Variants in DEGS2 observed in about 807,000 individuals in gnomAD.
DEGS2 encodes the protein delta 4-desaturase, sphingolipid 2, also known as sphingolipid delta(4)-desaturase/C4-monooxygenase DES2.
A neutral mutation model predicts 23.8 loss-of-function variants in DEGS2; 19 were observed. That is an observed-to-expected ratio of 0.80 (90% CI 0.56 to 1.17). The LOEUF is 1.17. Ranked by LOEUF, DEGS2 falls within the 50% of genes most tolerant of loss-of-function variation. The probability of loss-of-function intolerance (pLI) is 0.00; values close to 1 mark genes in which losing one functional copy is unlikely to be tolerated. For missense variants in DEGS2, 390 were observed against 459.5 expected, an observed-to-expected ratio of 0.85 and a Z score of 1.38; for synonymous variants, 218 against 213.7, an observed-to-expected ratio of 1.02 and a Z score of -0.18.
At chr14:100,166,304 GC>G in the DEGS2 span, among the ~76,000 whole-genome samples, 2 of 55,406 alleles carry the variant, frequency 3.6e-5, no homozygotes, top group African/African-American at 1.0e-4. Context: ...CCTGCCCGGG[GC>G]TGTGGGGGAG....
At chr14:100,152,941 A>AAGGAAGAT (rs947630140) in intron 1 of DEGS2, among the ~76,000 whole-genome samples, 4 of 152,128 alleles carry the variant, frequency 2.6e-5, no homozygotes, top group African/African-American at 9.7e-5. Context: ...AAAGGGAAGG[A>AAGGAAGAT]AGGAAGATAG....
Position 100,146,586 on chromosome 14 carries a change from G to T in DEGS2, c.*175C>A. On this transcript the variant is annotated 3_prime_UTR_variant, in exon 3 of 3. Transcript: ENST00000305631. ...CTCAAGGTCCAGGGCAAGTCCACGT[G>T]CAGACGGAGCCCTGCAGCCCACACT... The T allele has an allele frequency of 2.2e-6, 2 of 898,176 alleles. No individual in the cohort carries two copies. Among genetic ancestry groups the T allele is most frequent in the Non-Finnish European group, 3.3e-6 (2 of 599,694 alleles). The allele number at this position is 898,176 out of a possible 1,614,324, so 55.6% of individuals were successfully genotyped here. A position where few individuals can be genotyped will look rare whatever the true frequency, so the allele number is the denominator to read the frequency against.
chr14:100,163,525 A>G (rs1218224548), upstream of DEGS2, among the ~76,000 whole-genome samples: 1 of 152,222 alleles, frequency 6.6e-6, no homozygotes, highest in Non-Finnish European at 1.5e-5. Flanking sequence ...ACATGAGGAC[A>G]GTTTCAGGAT....
At chr14:100,148,286 A>C (rs1889491430) in intron 2 of DEGS2, among the ~76,000 whole-genome samples, 1 of 152,226 alleles carries the variant, frequency 6.6e-6, no homozygotes, top group Non-Finnish European at 1.5e-5. Context: ...ACCCCGGTGC[A>C]CACAGAGGCG....
chr14:100,157,132 G>A (rs1021525984), intron 1 of DEGS2, among the ~76,000 whole-genome samples: 2 of 152,148 alleles, frequency 1.3e-5, no homozygotes, highest in Non-Finnish European at 2.9e-5. Flanking sequence ...GTACCACCTC[G>A]GGCACCTTCC....
chr14:100,151,763 G>GC (rs1313165743), intron 1 of DEGS2, among the ~76,000 whole-genome samples: 1 of 152,194 alleles, frequency 6.6e-6, no homozygotes, highest in Non-Finnish European at 1.5e-5. Context: ...CCTCCAGTGG[G>GC]CCCCCCGGAA....
chr14:100,145,109 C>G lies in DEGS2; in HGVS notation c.*1652G>C, dbSNP rs1228922372. 6.6e-6 allele frequency: 1 copy of G among 152,564 alleles called. No individual in the cohort carries two copies. Among genetic ancestry groups the G allele is most frequent in the Admixed American group, 6.5e-5 (1 of 15,292 alleles). 9.5% of individuals were successfully genotyped at this position (152,564 alleles called of 1,614,324 possible). A position where few individuals can be genotyped will look rare whatever the true frequency, so the allele number is the denominator to read the frequency against. ...CCCCCCAGGCCAGGAGGGCTCCCCC[C>G]AAGGCCAGGAGTCTCCCCAGGAGCG... On this transcript the variant is annotated 3_prime_UTR_variant, in exon 3 of 3. Transcript: ENST00000305631.
In DEGS2 at chr14:100,159,543, G is replaced by A. The variant is rs1889714945; in HGVS notation, c.45C>T (p.Thr15=). The A allele has an allele frequency of 6.0e-6, 9 of 1,507,296 alleles. No homozygotes were observed. The African/African-American group carries it at 1.0e-4, about 17-fold the overall frequency. 93.4% of individuals were successfully genotyped at this position (1,507,296 alleles called of 1,614,324 possible). Residue 15 remains threonine (T), a synonymous_variant, in exon 1 of 3, where the codon ACC becomes ACT. Transcript: ENST00000305631. ...ASRSDFEWVY[T]DQPHTQRRKE... is the part of the protein sequence containing the mutation. ...TGCGCCGCTGCGTGTGCGGCTGGTC[G>A]GTGTAGACCCACTCGAAGTCGCTGC...
chr14:100,149,612 C>G lies in DEGS2; in HGVS notation c.181G>C (p.Val61Leu), dbSNP rs1303049109. 6.2e-7 allele frequency: 1 copy of G among 1,611,602 alleles called. No homozygotes were observed. The highest frequency in any genetic ancestry group is 8.5e-7 in the Non-Finnish European group (1 of 1,179,542). ...VLVQMLACWL[V>L]RGLAWRWLLF... ...AGCCAGCGCCAGGCCAGCCCGCGCA[C>G]CAGCCAGCAGGCCAGCATCTGCACC... Residue 61 changes from valine to leucine, a missense_variant, in exon 2 of 3, where the codon GTG becomes CTG. Val to Leu is a conservative substitution (Grantham distance 32). Transcript: ENST00000305631.
upstream of DEGS2, chr14:100,159,659 C>G: frequency 1.6e-6 from 1 of 639,458 alleles, no homozygotes; most frequent in Non-Finnish European, 2.1e-6. Context: ...GGCCGCGGCG[C>G]GGAACCAGCT....
At chr14:100,153,898 G>A (rs1889615027) in intron 1 of DEGS2, among the ~76,000 whole-genome samples, 1 of 152,192 alleles carries the variant, frequency 6.6e-6, no homozygotes, top group Non-Finnish European at 1.5e-5. Flanking sequence ...TGAGGTCAAG[G>A]GAGGTGCAAA....
chr14:100,152,046 G>T (rs1468907564), intron 1 of DEGS2, among the ~76,000 whole-genome samples: 1 of 152,132 alleles, frequency 6.6e-6, no homozygotes, highest in Non-Finnish European at 1.5e-5. Flanking sequence ...GGGCTTGGAG[G>T]TGGTCAGCTG....
rs191177409 is a variant in DEGS2, at chr14:100,158,066, G to A, written c.82+1440C>T. Among the ~76,000 whole-genome samples the A allele has an allele frequency of 3.5e-3, 468 of 132,238 alleles. 2 individuals carry two copies. The highest frequency in any genetic ancestry group is 0.013 in the African/African-American group (446 of 35,506). 86.8% of individuals were successfully genotyped at this position (132,238 alleles called of 152,430 possible). A position where few individuals can be genotyped will look rare whatever the true frequency, so the allele number is the denominator to read the frequency against. On this transcript the variant is annotated intron_variant, in intron 1 of 2. Coordinates refer to ENST00000305631, the MANE Select transcript of DEGS2 (RefSeq NM_206918.3). ...CGCATCACTGCACTCCGGTCTGGGC[G>A]ACAGAGCAAGACTTCCTCTCAAAAA...
chr14:100,150,066 C>T (rs931289352), intron 1 of DEGS2, among the ~76,000 whole-genome samples: 3 of 152,246 alleles, frequency 2.0e-5, no homozygotes, highest in Non-Finnish European at 2.9e-5. Flanking sequence ...TCTGTGTACT[C>T]AAGCACACGG....
chr14:100,166,304 G>GAAGTGGGAGAAGC, the DEGS2 span, among the ~76,000 whole-genome samples: 1 of 55,444 alleles, frequency 1.8e-5, no homozygotes, highest in Middle Eastern at 7.9e-3. Flanking sequence ...CCTGCCCGGG[G>GAAGTGGGAGAAGC]CTGTGGGGGA....
Position 100,149,827 on chromosome 14 carries a change from T to C in DEGS2, c.83-117A>G. 6.5e-6 allele frequency: 7 copies of C among 1,082,098 alleles called. No individual in the cohort carries two copies. In the South Asian group the frequency reaches 7.9e-5, roughly 12 times the overall value. The allele number at this position is 1,082,098 out of a possible 1,614,324, so 67.0% of individuals were successfully genotyped here. A position where few individuals can be genotyped will look rare whatever the true frequency, so the allele number is the denominator to read the frequency against. On this transcript the variant is annotated intron_variant, in intron 1 of 2. Coordinates refer to ENST00000305631, the MANE Select transcript of DEGS2 (RefSeq NM_206918.3). ...GGTGGGAGTGGCCAGCAAACCTCGC[T>C]GGTCCCTTTGCCCCTGCACACAGGC...
chr14:100,164,487 A>G (rs1287809622), upstream of DEGS2, among the ~76,000 whole-genome samples: 5 of 152,102 alleles, frequency 3.3e-5, no homozygotes, highest in Non-Finnish European at 7.4e-5. Context: ...AATACAAAAA[A>G]TTAGCTGGGC....
chr14:100,146,747 G>A lies in DEGS2; in HGVS notation c.*14C>T, dbSNP rs746818050. 6.8e-6 allele frequency: 11 copies of A among 1,612,138 alleles called. No homozygotes were observed. The Admixed American group carries it at 1.7e-4, about 24-fold the overall frequency. ...GATGGGGGACAATGGCCACCACCAGGAGGCAGCCCGGGCTCACAGACCATC... is the reference window on the plus strand; with the variant it reads ...GATGGGGGACAATGGCCACCACCAGAAGGCAGCCCGGGCTCACAGACCATC... On this transcript the variant is annotated 3_prime_UTR_variant, in exon 3 of 3. Transcript: ENST00000305631.
intron 1 of DEGS2, among the ~76,000 whole-genome samples, chr14:100,157,048 C>T (rs1161156364): frequency 2.0e-5 from 3 of 152,198 alleles, no homozygotes; most frequent in South Asian, 2.1e-4. Context: ...CTCCAGAAAG[C>T]CTCCTGGATT....
Sources: gnomAD v4.1 joint callset for allele counts (sites outside exome capture counted in the v4.1 genomes callset) on GRCh38, gnomAD v4.1.1 for gene constraint, MANE v1.5 for transcripts, NCBI Gene and HGNC (gene_info 2026-07-23, HGNC 2026-07-21) for gene names.